Variants in DCAF17 observed in about 807,000 individuals in gnomAD.
DCAF17 encodes DDB1 and CUL4 associated factor 17.
In DCAF17, 48 loss-of-function variants were observed where a neutral mutation model predicts 66.0. That is an observed-to-expected ratio of 0.73 (90% CI 0.58 to 0.92). DCAF17 has a LOEUF of 0.92. Ranked by LOEUF, DCAF17 falls within the 40% of genes least tolerant of loss-of-function variation. The pLI is 0.00. For synonymous variants in DCAF17, 206 were observed against 214.6 expected (o/e 0.96, Z 0.35); for missense variants, 562 against 622.8 (o/e 0.90, Z 1.04).
intron 4 of DCAF17, 38 bp from the exon 5 acceptor site, chr2:171,449,841 G>A (rs1480336897): frequency 3.3e-6 from 5 of 1,532,898 alleles, no homozygotes. Flanking sequence ...TAAGGAAACT[G>A]ACCCAAATAA....
chr2:171,459,954 C>G (rs960946784), intron 8 of DCAF17, among the ~76,000 whole-genome samples: 1 of 152,014 alleles, frequency 6.6e-6, no homozygotes, highest in Non-Finnish European at 1.5e-5. Context: ...GCAGTGGTAA[C>G]CAGGTTATTT....
intron 12 of DCAF17, 33 bp from the exon 13 acceptor site, chr2:171,480,005 C>A: frequency 6.2e-7 from 1 of 1,610,934 alleles, no homozygotes; most frequent in Non-Finnish European, 8.5e-7. Context: ...GGATTTTGCC[C>A]CTTTCCCTCT....
chr2:171,470,841 C>A (rs58560571), intron 9 of DCAF17, among the ~76,000 whole-genome samples: 5,883 of 152,182 alleles, frequency 0.039, 382 homozygotes, highest in African/African-American at 0.13. Context: ...CCTTCTATAT[C>A]CGTGGGTTCC....
intron 5 of DCAF17, among the ~76,000 whole-genome samples, chr2:171,451,989 T>C (rs1304438137): frequency 6.6e-6 from 1 of 152,184 alleles, no homozygotes. Context: ...AGCCAACAAG[T>C]AGTAGCTCTT....
chr2:171,459,248 G>C (rs569837138), intron 8 of DCAF17, among the ~76,000 whole-genome samples: 1 of 152,248 alleles, frequency 6.6e-6, no homozygotes, highest in East Asian at 1.9e-4. Flanking sequence ...GGAGGCAGAG[G>C]TTGTGGTGAG....
intron 8 of DCAF17, among the ~76,000 whole-genome samples, chr2:171,467,843 G>A (rs1401454026): frequency 2.7e-5 from 4 of 150,218 alleles, no homozygotes; most frequent in African/African-American, 9.8e-5. Context: ...TTTTTCCCAT[G>A]TATAGCTCTA....
At chr2:171,437,485 C>T (rs1022954761) in intron 2 of DCAF17, among the ~76,000 whole-genome samples, 1 of 152,196 alleles carries the variant, frequency 6.6e-6, no homozygotes, top group African/African-American at 2.4e-5. Context: ...TTGTCTTGAT[C>T]ACTGCTGCTG....
chr2:171,454,576 G>A (rs1274892211), intron 6 of DCAF17, among the ~76,000 whole-genome samples: 4 of 151,974 alleles, frequency 2.6e-5, no homozygotes, highest in South Asian at 2.1e-4. Flanking sequence ...AAGCCACCGC[G>A]CCTGGCCAGC....
intron 9 of DCAF17, among the ~76,000 whole-genome samples, chr2:171,471,286 A>T (rs562561033): frequency 6.6e-6 from 1 of 152,358 alleles, no homozygotes; most frequent in African/African-American, 2.4e-5. Flanking sequence ...TAACTAAAAA[A>T]AATGTAAGCA....
chr2:171,483,079 A>G lies in DCAF17; in HGVS notation c.*1965A>G, dbSNP rs569108215. The G allele has an allele frequency of 6.7e-4, 306 of 454,102 alleles. 2 individuals are homozygous for G. Among genetic ancestry groups the G allele is most frequent in the Non-Finnish European group, 1.0e-3 (231 of 226,792 alleles). 28.1% of individuals were successfully genotyped at this position (454,102 alleles called of 1,614,324 possible). On this transcript the variant is annotated 3_prime_UTR_variant, in exon 14 of 14. Coordinates refer to ENST00000375255, the MANE Select transcript of DCAF17 (RefSeq NM_025000.4). ...GGCTGCATGGTTGTTAACAAGATAG[A>G]TGGTAAAAAGATGCCAGAAGATACA... is the stretch of plus-strand genomic sequence containing the variant.
In DCAF17 at chr2:171,439,103, A is replaced by G. The variant is rs77105072; in HGVS notation, c.230+3917A>G. 3.0e-3 allele frequency among the ~76,000 whole-genome samples: 460 copies of G among 151,702 alleles called. 5 individuals carry two copies. The highest frequency in any genetic ancestry group is 0.01 in the African/African-American group (432 of 41,320). On this transcript the variant is annotated intron_variant, in intron 2 of 13. Coordinates refer to ENST00000375255, the MANE Select transcript of DCAF17 (RefSeq NM_025000.4). Reference sequence around the variant, plus strand: ...CCAAATTAATTCTTATTGTTCCCCTATATAGTTAAGGTGCTTTTTTTTCAT... The same window carrying G: ...CCAAATTAATTCTTATTGTTCCCCTGTATAGTTAAGGTGCTTTTTTTTCAT...
At chr2:171,450,330 AAAG>A (rs1304315419) in intron 5 of DCAF17, among the ~76,000 whole-genome samples, 4 of 152,180 alleles carry the variant, frequency 2.6e-5, no homozygotes, top group African/African-American at 9.7e-5. Context: ...AATCACCACT[AAAG>A]AACTTACTCA....
At position 171,456,103 on chromosome 2, in the gene DCAF17, A is replaced by T. The variant is rs554723042; in HGVS notation, c.628-1868A>T. Reference sequence around the variant, plus strand: ...ATCTTTGCCCATGCCTATGTCCAGAATGATATTGCCTAGGTTATCTTCCAG... The same window carrying T: ...ATCTTTGCCCATGCCTATGTCCAGATTGATATTGCCTAGGTTATCTTCCAG... On this transcript the variant is annotated intron_variant, in intron 6 of 13. Transcript: ENST00000375255. Among the ~76,000 whole-genome samples the T allele has an allele frequency of 2.0e-5, 3 of 152,322 alleles. No individual in the cohort carries two copies. In the East Asian group the frequency reaches 5.8e-4, roughly 29 times the overall value.
Position 171,468,988 on chromosome 2 carries a change from G to A in DCAF17, c.939G>A (p.Gln313=), listed in dbSNP as rs61731491. Residue 313 remains glutamine (Q), a synonymous_variant, in exon 9 of 14, where the codon CAG becomes CAA. Coordinates refer to ENST00000375255, the MANE Select transcript of DCAF17 (RefSeq NM_025000.4). ...TCGTCACACCTAATAAGAAGAAACAGAAAGGAGTTTTCCATATTTGTGCCC... is the reference window on the plus strand; with the variant it reads ...TCGTCACACCTAATAAGAAGAAACAAAAAGGAGTTTTCCATATTTGTGCCC... ...HYIVTPNKKK[Q]KGVFHICALK... is the part of the protein sequence containing the mutation. 7.7e-3 allele frequency: 12,364 copies of A among 1,614,050 alleles called. 722 individuals carry two copies. The African/African-American group carries it at 0.13, about 17-fold the overall frequency.
chr2:171,470,470 C>A (rs1372082656), intron 9 of DCAF17, among the ~76,000 whole-genome samples: 1 of 152,158 alleles, frequency 6.6e-6, no homozygotes, highest in East Asian at 1.9e-4. Context: ...GATGTCATGG[C>A]CATCAGGGGA....
chr2:171,448,708 T>G lies in DCAF17; in HGVS notation c.349T>G (p.Tyr117Asp). Reference protein sequence around the residue: ...VGDILPNSSDYKSSLIALTAH... With the variant: ...VGDILPNSSDDKSSLIALTAH... Reference sequence around the variant, plus strand: ...AGATATACTTCCCAATTCATCAGATTATAAGTCCTCACTCATAGCACTGAC... The same window carrying G: ...AGATATACTTCCCAATTCATCAGATGATAAGTCCTCACTCATAGCACTGAC... Residue 117 changes from tyrosine (Y) to aspartate (D), a missense_variant, in exon 4 of 14, where the codon TAT becomes GAT. Around this residue, in one of 3 missense-constraint regions of DCAF17, gnomAD observed 348 missense variants for 355.9 expected, o/e 0.98. Transcript: ENST00000375255. 1 of 1,611,682 alleles carries G rather than the reference T, an allele frequency of 6.2e-7. No individual in the cohort carries two copies. Among genetic ancestry groups the G allele is most frequent in the Non-Finnish European group, 8.5e-7 (1 of 1,179,018 alleles).
At position 171,451,142 on chromosome 2, in the gene DCAF17, C is replaced by T. The variant is rs181670862; in HGVS notation, c.537+1185C>T. On this transcript the variant is annotated intron_variant, in intron 5 of 13. Transcript: ENST00000375255. ...ACCCTCCAGTGTATTCCCATACATG[C>T]TGGGTCTGTGAACTCTGCTTTTCAT... Among the ~76,000 whole-genome samples the T allele has an allele frequency of 5.9e-5, 9 of 152,118 alleles. No individual in the cohort carries two copies. In the East Asian group the frequency reaches 1.7e-3, roughly 29 times the overall value.
chr2:171,458,297 A>G, intron 7 of DCAF17, 75 bp from the exon 8 acceptor site: 1 of 1,322,670 alleles, frequency 7.6e-7, no homozygotes, highest in Non-Finnish European at 1.1e-6. Context: ...ATACATGTGA[A>G]TTTTATTTTT....
chr2:171,473,363 A>G (rs1696348357), intron 9 of DCAF17, among the ~76,000 whole-genome samples: 3 of 152,128 alleles, frequency 2.0e-5, no homozygotes, highest in Admixed American at 6.5e-5. Flanking sequence ...CTAGCACTTT[A>G]AGAGGCTAAG....
Sources: allele counts gnomAD v4.1 joint callset (sites outside exome capture counted in the v4.1 genomes callset), GRCh38; gene constraint gnomAD v4.1.1; regional missense constraint gnomAD v4.1.1; transcripts MANE v1.5; gene names NCBI Gene and HGNC (gene_info 2026-07-23, HGNC 2026-07-21).